The following AKAP12 variants were observed in gnomAD, a reference collection of about 807,000 sequenced individuals.
AKAP12 encodes the protein A-kinase anchoring protein 12, also known as A-kinase anchor protein 12.
Under a neutral mutation model 79.9 loss-of-function variants are expected in AKAP12, and 32 were observed. That is an observed-to-expected ratio of 0.40 (90% confidence interval 0.30 to 0.54). The LOEUF (loss-of-function observed/expected upper bound fraction) is 0.54. Among genes scored for constraint, AKAP12 ranks in the 20% least tolerant of loss-of-function variants. The pLI, the probability that AKAP12 is intolerant of heterozygous loss-of-function variation, is 0.48. For synonymous variants in AKAP12, 808 were observed against 857.0 expected (o/e 0.94, Z 1.00); for missense variants, 2,074 against 2,177.0 (o/e 0.95, Z 0.94).
At chr6:151,337,507 G>A (rs561435354) in intron 3 of AKAP12, among the ~76,000 whole-genome samples, 2 of 66,070 alleles carry the variant, frequency 3.0e-5, no homozygotes, top group East Asian at 4.0e-4. Context: ...AAGAGTTTCC[G>A]TCTCGAAAAA....
In AKAP12 at chr6:151,353,080, T is replaced by A; in HGVS notation, c.4689T>A (p.Arg1563=). 1 of 1,614,160 alleles carries A rather than the reference T, an allele frequency of 6.2e-7. No homozygotes were observed. Among genetic ancestry groups the A allele is most frequent in the Non-Finnish European group, 8.5e-7 (1 of 1,180,046 alleles). ...AGACAGCCGTTGACCAGTTTGTACG[T>A]ACAGAAGAAACAGCCACCGAAATGT... The part of the protein sequence containing the change: ...IIQTAVDQFV[R]TEETATEMLT... The change falls in exon 4 of 5, where the codon CGT becomes CGA. Residue 1563 remains arginine, a synonymous_variant. Transcript: ENST00000402676.
intron 2 of AKAP12, among the ~76,000 whole-genome samples, chr6:151,294,593 C>G (rs1776686624): frequency 6.6e-6 from 1 of 152,188 alleles, no homozygotes. Flanking sequence ...GGCAGGCCAT[C>G]TTCATGCAGT....
chr6:151,242,552 C>T (rs1159925470), intron 2 of AKAP12, among the ~76,000 whole-genome samples: 1 of 152,164 alleles, frequency 6.6e-6, no homozygotes, highest in Non-Finnish European at 1.5e-5. Context: ...TTGAACTAGC[C>T]AAATTTATCA....
chr6:151,330,974 G>T (rs568532889), intron 3 of AKAP12, among the ~76,000 whole-genome samples: 1 of 152,086 alleles, frequency 6.6e-6, no homozygotes. Context: ...GGAGATTTTC[G>T]AAAGGAAAAT....
chr6:151,320,386 C>T (rs2114777583), intron 3 of AKAP12, among the ~76,000 whole-genome samples: 1 of 152,118 alleles, frequency 6.6e-6, no homozygotes, highest in African/African-American at 2.4e-5. Flanking sequence ...TCCCCAAGTG[C>T]TGGGATTACA....
chr6:151,285,242 A>C (rs1776476266), intron 2 of AKAP12, among the ~76,000 whole-genome samples: 1 of 152,132 alleles, frequency 6.6e-6, no homozygotes, highest in Non-Finnish European at 1.5e-5. Context: ...AAAACTTTTC[A>C]CTCTCAGAAC....
Position 151,353,374 on chromosome 6 carries a change from C to A in AKAP12, c.4983C>A (p.Leu1661=), listed in dbSNP as rs762213000. The change falls in exon 4 of 5, where the codon CTC becomes CTA. Residue 1661 remains leucine (L), a synonymous_variant. Coordinates refer to ENST00000402676, the MANE Select transcript of AKAP12 (RefSeq NM_005100.4). ...ATCAGCAGCTGGAAGAGGTCGTCCT[C>A]CCATCTGAGGAAGAGGGAGGTGGAG... The part of the protein sequence containing the change: ...VNDQQLEEVV[L]PSEEEGGGAG... 1.9e-6 allele frequency: 3 copies of A among 1,614,138 alleles called. No individual in the cohort carries two copies. The Admixed American group carries it at 5.0e-5, about 27-fold the overall frequency.
chr6:151,349,622 C>T lies in AKAP12; in HGVS notation c.1231C>T (p.His411Tyr). Residue 411 changes from histidine to tyrosine, a missense_variant, in exon 4 of 5, where the codon CAC becomes TAC. Coordinates refer to ENST00000402676, the MANE Select transcript of AKAP12 (RefSeq NM_005100.4). ...TEVFDEKIEV[H>Y]QEEVVAEVHV... is the part of the protein sequence containing the mutation. ...AGTGTTTGATGAGAAAATAGAAGTCCACCAAGAAGAGGTTGTGGCCGAAGT... is the reference window on the plus strand; with the variant it reads ...AGTGTTTGATGAGAAAATAGAAGTCTACCAAGAAGAGGTTGTGGCCGAAGT... 1 of 1,611,076 alleles carries T rather than the reference C, an allele frequency of 6.2e-7. No individual in the cohort carries two copies. The highest frequency in any genetic ancestry group is 2.2e-5 in the East Asian group (1 of 44,856).
intron 2 of AKAP12, among the ~76,000 whole-genome samples, chr6:151,288,987 C>T (rs972069227): frequency 1.3e-5 from 2 of 152,216 alleles, no homozygotes; most frequent in African/African-American, 4.8e-5. Context: ...GGAAAATGCA[C>T]TTGTGTAAGA....
intron 2 of AKAP12, among the ~76,000 whole-genome samples, chr6:151,281,650 G>T (rs1295244417): frequency 6.6e-6 from 1 of 152,060 alleles, no homozygotes; most frequent in Non-Finnish European, 1.5e-5. Flanking sequence ...GTGAGGCTAG[G>T]ACCCAATTTC....
chr6:151,270,404 A>G (rs1167041475), intron 2 of AKAP12, among the ~76,000 whole-genome samples: 1 of 152,174 alleles, frequency 6.6e-6, no homozygotes. Context: ...GATATATCCT[A>G]CGTTTTATTT....
intron 2 of AKAP12, among the ~76,000 whole-genome samples, chr6:151,248,955 C>G (rs1481394104): frequency 4.6e-5 from 7 of 152,016 alleles, no homozygotes; most frequent in East Asian, 1.9e-4. Context: ...TCATTGCACT[C>G]CAGCCTGGGC....
intron 3 of AKAP12, among the ~76,000 whole-genome samples, chr6:151,345,241 A>G (rs531732984): frequency 6.0e-5 from 9 of 151,024 alleles, no homozygotes; most frequent in Non-Finnish European, 1.0e-4. Context: ...ACGCCTGGCT[A>G]ATTTTTTGTA....
rs116400939 is a variant in AKAP12, at chr6:151,244,016, T to C, written c.162+3292T>C. 5.0e-3 allele frequency among the ~76,000 whole-genome samples: 758 copies of C among 152,226 alleles called. 9 individuals are homozygous for C. Among genetic ancestry groups the C allele is most frequent in the African/African-American group, 0.017 (725 of 41,534 alleles). On this transcript the variant is annotated intron_variant, in intron 2 of 4. Coordinates refer to ENST00000402676, the MANE Select transcript of AKAP12 (RefSeq NM_005100.4). ...ATCAATTAATTAGCCTTTCTATATG[T>C]ATTGCCTGATGAATGATTTCAATGC...
intron 2 of AKAP12, among the ~76,000 whole-genome samples, chr6:151,241,577 T>C (rs1468619394): frequency 6.6e-6 from 1 of 152,164 alleles, no homozygotes; most frequent in Non-Finnish European, 1.5e-5. Flanking sequence ...ATATTTCTTG[T>C]GGGCCAGGAC....
chr6:151,252,733 A>G (rs79358138), intron 2 of AKAP12, among the ~76,000 whole-genome samples: 1,327 of 84,170 alleles, frequency 0.016, 7 homozygotes, highest in African/African-American at 0.044. Flanking sequence ...TGTCTCTGGG[A>G]AAAAAAAAAA....
In AKAP12 at chr6:151,306,250, G is replaced by T. The variant is rs56231644; in HGVS notation, c.319+347G>T. Among the ~76,000 whole-genome samples, 869 of 152,278 alleles carry T rather than the reference G, an allele frequency of 5.7e-3. 8 individuals carry two copies. Among genetic ancestry groups the T allele is most frequent in the African/African-American group, 0.02 (822 of 41,560 alleles). On this transcript the variant is annotated intron_variant, in intron 3 of 4. Transcript: ENST00000402676. ...CTCTAGAGAGGAGCCTGCTATACTT[G>T]TACAACTCTTTCTGATAGGCGCATT...
intron 2 of AKAP12, among the ~76,000 whole-genome samples, chr6:151,275,513 T>C (rs1582849569): frequency 6.6e-6 from 1 of 152,224 alleles, no homozygotes. Flanking sequence ...GACTGAGACC[T>C]TCACTCAGAA....
chr6:151,315,054 G>GAAAAA (rs75653442), intron 3 of AKAP12, among the ~76,000 whole-genome samples: 1 of 129,352 alleles, frequency 7.7e-6, no homozygotes, highest in African/African-American at 2.9e-5. Context: ...TCTGTCTCAA[G>GAAAAA]AAAAAAAAAA....
Sources: allele counts gnomAD v4.1 joint callset (sites outside exome capture counted in the v4.1 genomes callset), GRCh38; gene constraint gnomAD v4.1.1; transcripts MANE v1.5; gene names NCBI Gene and HGNC (gene_info 2026-07-23, HGNC 2026-07-21).